LHFPL3: variants seen among roughly 807,000 people sequenced by gnomAD.
LHFPL3 encodes the protein LHFPL tetraspan subfamily member 3 protein.
Under a neutral mutation model 19.3 loss-of-function variants are expected in LHFPL3, and 5 were observed. That is an observed-to-expected ratio of 0.26 (90% CI 0.14 to 0.54). The LOEUF (loss-of-function observed/expected upper bound fraction) is 0.54. LHFPL3 is among the 20% of genes least tolerant of loss of function. The pLI is 0.94. For missense variants in LHFPL3, 249 were observed against 307.4 expected, an observed-to-expected ratio of 0.81 and a Z score of 1.42; for synonymous variants, 133 against 126.2, an observed-to-expected ratio of 1.05 and a Z score of -0.36.
intron 2 of LHFPL3, among the ~76,000 whole-genome samples, chr7:104,790,758 C>G (rs931125565): frequency 2.0e-5 from 3 of 152,148 alleles, no homozygotes; most frequent in African/African-American, 7.2e-5. Flanking sequence ...CCAGAATCCT[C>G]GTCATTTTTT....
At chr7:104,590,207 G>GTTAGA (rs1790680298) in intron 1 of LHFPL3, among the ~76,000 whole-genome samples, 3 of 151,692 alleles carry the variant, frequency 2.0e-5, no homozygotes, top group Non-Finnish European at 4.4e-5. Context: ...GTGATGTTAG[G>GTTAGA]GTGTCAATTT....
chr7:104,390,167 TAAC>T (rs145738439), intron 1 of LHFPL3, among the ~76,000 whole-genome samples: 9,979 of 151,622 alleles, frequency 0.066, 352 homozygotes, highest in Middle Eastern at 0.099. Flanking sequence ...ATAAAAAGAC[TAAC>T]AACCCAATTT....
At chr7:104,714,832 T>C (rs2116226316) in intron 1 of LHFPL3, among the ~76,000 whole-genome samples, 1 of 152,332 alleles carries the variant, frequency 6.6e-6, no homozygotes, top group East Asian at 1.9e-4. Flanking sequence ...GCAACTGTTC[T>C]TAAAATGTAT....
chr7:104,587,214 C>T (rs1261825463), intron 1 of LHFPL3, among the ~76,000 whole-genome samples: 2 of 152,294 alleles, frequency 1.3e-5, no homozygotes, highest in East Asian at 3.9e-4. Flanking sequence ...TGGTGTGCTG[C>T]ACCCATTAAT....
At chr7:104,384,823 A>G (rs924313524) in intron 1 of LHFPL3, among the ~76,000 whole-genome samples, 3 of 151,392 alleles carry the variant, frequency 2.0e-5, no homozygotes, top group Non-Finnish European at 4.4e-5. Flanking sequence ...AAGAATGAAT[A>G]TATCAAAAGA....
chr7:104,423,756 C>A (rs1046405650), intron 1 of LHFPL3, among the ~76,000 whole-genome samples: 4 of 146,900 alleles, frequency 2.7e-5, no homozygotes, highest in Non-Finnish European at 4.5e-5. Context: ...AGCAGCAGTC[C>A]AAAATGTCAG....
rs549874919 is a variant in LHFPL3, at chr7:104,659,348, G to A, written c.446-77327G>A. Among the ~76,000 whole-genome samples, 207 of 152,334 alleles carry A rather than the reference G, an allele frequency of 1.4e-3. 3 individuals carry two copies. Among genetic ancestry groups the A allele is most frequent in the African/African-American group, 4.8e-3 (201 of 41,578 alleles). On this transcript the variant is annotated intron_variant, in intron 1 of 2. Transcript: ENST00000424859. The stretch of plus-strand genomic sequence containing the variant: ...ATCTCTGCCAGCACCTGGAATTTAG[G>A]AGGTTCCTCCTAAGTATGGCACCCA...
intron 1 of LHFPL3, among the ~76,000 whole-genome samples, chr7:104,683,773 G>A (rs560818035): frequency 3.9e-5 from 6 of 152,074 alleles, no homozygotes; most frequent in East Asian, 1.9e-4. Flanking sequence ...ATCAAAATTC[G>A]ACATTCCTAT....
chr7:104,788,540 A>G (rs754985769), intron 2 of LHFPL3, among the ~76,000 whole-genome samples: 20 of 152,204 alleles, frequency 1.3e-4, no homozygotes, highest in Admixed American at 2.0e-4. Flanking sequence ...CTTAAATTAT[A>G]CATGTGAGAA....
intron 1 of LHFPL3, chr7:104,667,686 A>C (rs978035792): frequency 4.2e-6 from 5 of 1,199,294 alleles, no homozygotes; most frequent in Non-Finnish European, 4.7e-6. Flanking sequence ...GCCATTATAC[A>C]TGCAATTTAC....
In LHFPL3 at chr7:104,668,541, G is replaced by A. The variant is rs961730329; in HGVS notation, c.446-68134G>A. ...CCGAGGCAGCAGAGACTATGATAGA[G>A]GCTATGATTCCCGGATAGGCAGTGG... On this transcript the variant is annotated intron_variant, in intron 1 of 2. Coordinates refer to ENST00000424859, the MANE Select transcript of LHFPL3 (RefSeq NM_199000.3). 3.1e-6 allele frequency: 5 copies of A among 1,613,042 alleles called. No individual in the cohort carries two copies. In the African/African-American group the frequency reaches 4.0e-5, roughly 13 times the overall value.
chr7:104,642,872 A>C (rs1791863168), intron 1 of LHFPL3, among the ~76,000 whole-genome samples: 1 of 152,228 alleles, frequency 6.6e-6, no homozygotes, highest in Non-Finnish European at 1.5e-5. Context: ...ACTATAACCC[A>C]GCACCTGCTT....
At chr7:104,457,576 C>T (rs1490493357) in intron 1 of LHFPL3, among the ~76,000 whole-genome samples, 2 of 149,920 alleles carry the variant, frequency 1.3e-5, no homozygotes, top group Non-Finnish European at 3.0e-5. Flanking sequence ...AGTAAACATA[C>T]GTGTGCATGT....
chr7:104,346,595 T>C (rs1287878378), intron 1 of LHFPL3, among the ~76,000 whole-genome samples: 1 of 152,128 alleles, frequency 6.6e-6, no homozygotes, highest in African/African-American at 2.4e-5. Context: ...ATCATGTTTT[T>C]CTGAGATAAA....
chr7:104,722,470 G>A (rs1430993271), intron 1 of LHFPL3, among the ~76,000 whole-genome samples: 1 of 152,180 alleles, frequency 6.6e-6, no homozygotes, highest in African/African-American at 2.4e-5. Flanking sequence ...ATTACACTGT[G>A]TTTAAAGCCA....
At chr7:104,518,232 A>C (rs549065770) in intron 1 of LHFPL3, among the ~76,000 whole-genome samples, 50 of 152,308 alleles carry the variant, frequency 3.3e-4, no homozygotes, top group Admixed American at 8.5e-4. Flanking sequence ...TATTACTACT[A>C]ATAATTATAA....
chr7:104,379,036 CA>C (rs1174104762), intron 1 of LHFPL3, among the ~76,000 whole-genome samples: 1 of 152,164 alleles, frequency 6.6e-6, no homozygotes, highest in African/African-American at 2.4e-5. Flanking sequence ...GCATTGCTCC[CA>C]AATTCTGAAA....
intron 1 of LHFPL3, among the ~76,000 whole-genome samples, chr7:104,533,065 T>C (rs1316787302): frequency 6.6e-6 from 1 of 152,242 alleles, no homozygotes; most frequent in Non-Finnish European, 1.5e-5. Flanking sequence ...TGGCTATATA[T>C]AATTCAAGGA....
At chr7:104,442,378 G>A (rs924145697) in intron 1 of LHFPL3, among the ~76,000 whole-genome samples, 5 of 152,008 alleles carry the variant, frequency 3.3e-5, no homozygotes, top group African/African-American at 9.7e-5. Flanking sequence ...TTGACACGAC[G>A]CTTTGAGATG....
Sources: gnomAD v4.1 joint callset for allele counts (sites outside exome capture counted in the v4.1 genomes callset) on GRCh38, gnomAD v4.1.1 for gene constraint, MANE v1.5 for transcripts, NCBI Gene and HGNC (gene_info 2026-07-23, HGNC 2026-07-21) for gene names.